Variants in PCDH15 observed in about 807,000 individuals in gnomAD.
PCDH15 encodes the protein protocadherin related 15, also known as protocadherin-15.
Under a neutral mutation model 178.5 loss-of-function variants are expected in PCDH15, and 129 were observed. The ratio of observed to expected loss-of-function variants is 0.72; its 90% CI spans 0.63 to 0.84. PCDH15 has a LOEUF of 0.84. PCDH15 is among the 40% of genes least tolerant of loss of function. The pLI is 0.00. For synonymous variants in PCDH15, 800 were observed against 732.0 expected (o/e 1.09, Z -1.50); for missense variants, 2,230 against 2,099.9 (o/e 1.06, Z -1.21).
chr10:55,152,447 T>A (rs1838755362), intron 2 of PCDH15, among the ~76,000 whole-genome samples: 1 of 152,140 alleles, frequency 6.6e-6, no homozygotes, highest in South Asian at 2.1e-4. Context: ...GGTATATAAT[T>A]TTTAAAAATG....
intron 1 of PCDH15, among the ~76,000 whole-genome samples, chr10:54,792,719 C>T (rs889871762): frequency 1.3e-5 from 2 of 151,790 alleles, no homozygotes; most frequent in East Asian, 3.9e-4. Context: ...TTCTCATTCT[C>T]TGTGATTACT....
chr10:54,772,476 AAAG>A (rs1162795706), intron 1 of PCDH15, among the ~76,000 whole-genome samples: 5 of 152,196 alleles, frequency 3.3e-5, no homozygotes, highest in Non-Finnish European at 7.3e-5. Flanking sequence ...GCTCCACTCA[AAAG>A]AAGACATACA....
intron 2 of PCDH15, among the ~76,000 whole-genome samples, chr10:55,142,547 C>G (rs1838382190): frequency 2.0e-5 from 2 of 97,768 alleles, no homozygotes; most frequent in Non-Finnish European, 4.7e-5. Flanking sequence ...TGTAATGATA[C>G]AATTTTATAG....
intron 21 of PCDH15, among the ~76,000 whole-genome samples, chr10:53,985,740 C>T (rs993122176): frequency 6.6e-6 from 1 of 152,112 alleles, no homozygotes; most frequent in Non-Finnish European, 1.5e-5. Flanking sequence ...TTCTTCTCTA[C>T]AACTTATGCT....
chr10:54,049,042 C>A (rs1288487714), intron 18 of PCDH15, among the ~76,000 whole-genome samples: 2 of 152,154 alleles, frequency 1.3e-5, no homozygotes, highest in Non-Finnish European at 2.9e-5. Flanking sequence ...TCTATGATTT[C>A]TTTCAGCAGT....
intron 2 of PCDH15, among the ~76,000 whole-genome samples, chr10:55,439,537 G>A (rs1018808286): frequency 6.6e-6 from 1 of 151,810 alleles, no homozygotes; most frequent in African/African-American, 2.4e-5. Context: ...AAAGTTGGGG[G>A]GGAGGGATAA....
intron 2 of PCDH15, among the ~76,000 whole-genome samples, chr10:55,503,888 G>A (rs576420422): frequency 1.3e-5 from 2 of 151,360 alleles, no homozygotes; most frequent in South Asian, 2.1e-4. Flanking sequence ...ATGATTCCGC[G>A]ACCAAGGACC....
At chr10:55,503,557 C>A (rs893147184) in intron 2 of PCDH15, among the ~76,000 whole-genome samples, 29 of 151,132 alleles carry the variant, frequency 1.9e-4, no homozygotes, top group Non-Finnish European at 3.9e-4. Context: ...CAGAGGACAA[C>A]ATTGAAGATA....
chr10:55,211,313 C>T (rs1261766632), intron 1 of PCDH15, among the ~76,000 whole-genome samples: 1 of 151,998 alleles, frequency 6.6e-6, no homozygotes, highest in Non-Finnish European at 1.5e-5. Context: ...TAGAAAAAAG[C>T]CAGTAAATAG....
At chr10:55,088,283 T>C (rs1842227100) in intron 2 of PCDH15, among the ~76,000 whole-genome samples, 1 of 152,008 alleles carries the variant, frequency 6.6e-6, no homozygotes, top group South Asian at 2.1e-4. Flanking sequence ...TGTTTTTTTT[T>C]TTTGAGACAG....
intron 2 of PCDH15, among the ~76,000 whole-genome samples, chr10:54,901,294 G>A (rs1322342642): frequency 6.6e-6 from 1 of 152,008 alleles, no homozygotes; most frequent in Non-Finnish European, 1.5e-5. Context: ...ATAAATAAAT[G>A]AATAAAATAA....
At chr10:54,061,989 C>T (rs1006389033) in intron 18 of PCDH15, among the ~76,000 whole-genome samples, 1 of 151,908 alleles carries the variant, frequency 6.6e-6, no homozygotes, top group African/African-American at 2.4e-5. Context: ...CTTTGGGAGG[C>T]CAAGGCGGGC....
rs1453068874 is a variant in PCDH15 at position 54,271,251 on chromosome 10, C to T, written c.877-34320G>A. ...TTTGAGACAGAGTGTCGCTCTGTCA[C>T]CTAGGCTGAAGTACAATGGTGCGAT... On this transcript the variant is annotated intron_variant, in intron 8 of 37. Coordinates refer to ENST00000644397, the MANE Select transcript of PCDH15 (RefSeq NM_001384140.1). Among the ~76,000 whole-genome samples, 6 of 152,082 alleles carry T rather than the reference C, an allele frequency of 3.9e-5. No individual in the cohort carries two copies. In the South Asian group the frequency reaches 1.2e-3, roughly 32 times the overall value.
intron 3 of PCDH15, among the ~76,000 whole-genome samples, chr10:54,436,131 GAAAA>G (rs1419956260): frequency 2.7e-5 from 4 of 146,268 alleles, no homozygotes; most frequent in South Asian, 4.3e-4. Context: ...AAGAAAGAAA[GAAAA>G]AGAAAGAAAG....
chr10:53,888,282 C>CTATATATCTATATATATATATA (rs2081240930), intron 26 of PCDH15, among the ~76,000 whole-genome samples: 1 of 95,426 alleles, frequency 1.0e-5, no homozygotes, highest in African/African-American at 6.4e-5. Context: ...CATTCCAACA[C>CTATATATCTATATATATATATA]TATATATACA....
intron 2 of PCDH15, among the ~76,000 whole-genome samples, chr10:55,077,110 T>G (rs1382287847): frequency 6.6e-6 from 1 of 151,714 alleles, no homozygotes; most frequent in Non-Finnish European, 1.5e-5. Flanking sequence ...TCCTTTTTTT[T>G]TTTGGTTTTT....
chr10:55,533,736 T>C (rs144145972), intron 2 of PCDH15, among the ~76,000 whole-genome samples: 155 of 151,898 alleles, frequency 1.0e-3, no homozygotes, highest in African/African-American at 3.4e-3. Context: ...TATTCTAAGA[T>C]CTATATGGAA....
At chr10:55,489,787 A>C (rs1190392201) in intron 2 of PCDH15, among the ~76,000 whole-genome samples, 3 of 151,738 alleles carry the variant, frequency 2.0e-5, no homozygotes, top group African/African-American at 7.2e-5. Context: ...TTCTGGTATC[A>C]ATTTCAATAT....
intron 3 of PCDH15, among the ~76,000 whole-genome samples, chr10:54,448,977 T>A (rs1346677481): frequency 1.3e-5 from 2 of 151,774 alleles, no homozygotes; most frequent in Non-Finnish European, 2.9e-5. Context: ...ATTGGTACTG[T>A]TAACTGCCAA....
Sources: gnomAD v4.1 joint callset for allele counts (sites outside exome capture counted in the v4.1 genomes callset) on GRCh38, gnomAD v4.1.1 for gene constraint, MANE v1.5 for transcripts, NCBI Gene and HGNC (gene_info 2026-07-23, HGNC 2026-07-21) for gene names.